Variants in ACSL6 observed in about 807,000 individuals in gnomAD.
ACSL6 encodes the protein acyl-CoA synthetase long chain family member 6.
Under a neutral mutation model 98.2 loss-of-function variants are expected in ACSL6, and 47 were observed. The ratio of observed to expected loss-of-function variants is 0.48; its 90% CI spans 0.38 to 0.61. The LOEUF is 0.61. Ranked by LOEUF, ACSL6 falls within the 20% of genes least tolerant of loss-of-function variation. The pLI is 0.00. For synonymous variants in ACSL6, 362 were observed against 336.9 expected (o/e 1.07, Z -0.82); for missense variants, 761 against 913.4 (o/e 0.83, Z 2.15).
chr5:131,968,617 T>A (rs1404604806), intron 15 of ACSL6, among the ~76,000 whole-genome samples: 1 of 152,156 alleles, frequency 6.6e-6, no homozygotes, highest in Non-Finnish European at 1.5e-5. Context: ...AAAGCTGGGA[T>A]GAAGAAACTT....
rs116820278 is a variant in ACSL6 at position 131,954,671 on chromosome 5, G to A, written c.2032-300C>T. Among the ~76,000 whole-genome samples the A allele has an allele frequency of 5.2e-3, 797 of 152,234 alleles. 1 individual carries two copies. The highest frequency in any genetic ancestry group is 8.7e-3 in the Non-Finnish European group (591 of 68,018). ...CTGCCCTTAGGGAGCGCACATTCAC[G>A]TCCAGTAGTGGAGACAGAGAAACAC... On this transcript the variant is annotated intron_variant, in intron 20 of 20. Coordinates refer to ENST00000651883, the MANE Select transcript of ACSL6 (RefSeq NM_001009185.3).
At chr5:131,987,248 C>G (rs1437096951) in intron 7 of ACSL6, among the ~76,000 whole-genome samples, 1 of 152,202 alleles carries the variant, frequency 6.6e-6, no homozygotes, top group African/African-American at 2.4e-5. Context: ...CACATGCCAC[C>G]TGTATGATGG....
chr5:131,980,334 A>G (rs1753824537), intron 9 of ACSL6, among the ~76,000 whole-genome samples: 1 of 152,206 alleles, frequency 6.6e-6, no homozygotes, highest in African/African-American at 2.4e-5. Flanking sequence ...GAGGGCTAGT[A>G]AGAATAGAAA....
Position 131,953,594 on chromosome 5 carries a change from A to T in ACSL6, c.*640T>A. 5.3e-6 allele frequency: 1 copy of T among 187,506 alleles called. No homozygotes were observed. The highest frequency in any genetic ancestry group is 8.5e-5 in the East Asian group (1 of 11,774). 11.6% of individuals were successfully genotyped at this position (187,506 alleles called of 1,614,324 possible). On this transcript the variant is annotated 3_prime_UTR_variant, in exon 21 of 21. Coordinates refer to ENST00000651883, the MANE Select transcript of ACSL6 (RefSeq NM_001009185.3). ...CACTCCAGCCTAGGTGACAGAGCAG[A>T]CCCTGTCTCAAAACAAAAAGGAAAA...
At position 131,962,634 on chromosome 5, in the gene ACSL6, T is replaced by C. The variant is rs763597231; in HGVS notation, c.1758A>G (p.Lys586=). Residue 586 remains lysine, a synonymous_variant, in exon 18 of 21, where the codon AAA becomes AAG. Coordinates refer to ENST00000651883, the MANE Select transcript of ACSL6 (RefSeq NM_001009185.3). The part of the protein sequence containing the change: ...KIIDRKKHIF[K]LAQGEYVAPE... ...GTGCAACATATTCTCCCTGAGCAAGTTTAAATATATGCTTTTTCCGATCAA... is the reference window on the plus strand; with the variant it reads ...GTGCAACATATTCTCCCTGAGCAAGCTTAAATATATGCTTTTTCCGATCAA... 1.2e-6 allele frequency: 2 copies of C among 1,614,108 alleles called. No individual in the cohort carries two copies. The highest frequency in any genetic ancestry group is 1.7e-6 in the Non-Finnish European group (2 of 1,179,998).
Position 132,011,567 on chromosome 5 carries a change from G to C in ACSL6, c.-14C>G. Reference sequence around the variant, plus strand: ...GAAGGTCAGCATGGCGGTCAGCGGGGCCCGGCCCGGCCCGGCCCGGCCTCC... The same window carrying C: ...GAAGGTCAGCATGGCGGTCAGCGGGCCCCGGCCCGGCCCGGCCCGGCCTCC... On this transcript the variant is annotated 5_prime_UTR_variant, in exon 1 of 21. Coordinates refer to ENST00000651883, the MANE Select transcript of ACSL6 (RefSeq NM_001009185.3). This position sits in a 1 kb window ranked among gnomAD's most constrained non-coding sequence, Gnocchi z 5.4. The C allele has an allele frequency of 6.6e-7, 1 of 1,510,340 alleles. No individual in the cohort carries two copies. Among genetic ancestry groups the C allele is most frequent in the Non-Finnish European group, 8.8e-7 (1 of 1,131,242 alleles). The allele number at this position is 1,510,340 out of a possible 1,614,324, so 93.6% of individuals were successfully genotyped here.
At position 132,011,571 on chromosome 5, in the gene ACSL6, G is replaced by C; in HGVS notation, c.-18C>G. ...GTCAGCATGGCGGTCAGCGGGGCCCGGCCCGGCCCGGCCCGGCCTCCCCGA... is the reference window on the plus strand; with the variant it reads ...GTCAGCATGGCGGTCAGCGGGGCCCCGCCCGGCCCGGCCCGGCCTCCCCGA... On this transcript the variant is annotated 5_prime_UTR_variant, in exon 1 of 21. Coordinates refer to ENST00000651883, the MANE Select transcript of ACSL6 (RefSeq NM_001009185.3). This position sits in a 1 kb window ranked among gnomAD's most constrained non-coding sequence, Gnocchi z 5.4. The C allele has an allele frequency of 6.6e-7, 1 of 1,515,014 alleles. No individual in the cohort carries two copies. Among genetic ancestry groups the C allele is most frequent in the Non-Finnish European group, 8.8e-7 (1 of 1,133,994 alleles). 93.8% of individuals were successfully genotyped at this position (1,515,014 alleles called of 1,614,324 possible).
intron 1 of ACSL6, among the ~76,000 whole-genome samples, chr5:132,003,186 C>T (rs1329762590): frequency 2.0e-5 from 3 of 152,246 alleles, no homozygotes; most frequent in Non-Finnish European, 4.4e-5. Context: ...CAAAATTCCT[C>T]TTCTGAATGC....
chr5:131,983,238 A>G (rs1753996557), intron 9 of ACSL6: 1 of 152,164 alleles, frequency 6.6e-6, no homozygotes, highest in South Asian at 2.1e-4. Flanking sequence ...TGTTATTTTG[A>G]AATGAACAGC....
Position 131,976,689 on chromosome 5 carries a change from T to G in ACSL6, c.949A>C (p.Asn317His). 4 of 1,614,196 alleles carry G rather than the reference T, an allele frequency of 2.5e-6. No homozygotes were observed. Among genetic ancestry groups the G allele is most frequent in the Non-Finnish European group, 3.4e-6 (4 of 1,180,022 alleles). ...NPKGAMLTHG[N>H]VVADFSGFLK... Reference sequence around the variant, plus strand: ...AAGCCTGAGAAATCAGCCACCACGTTCCCATGGGTGAGCATCGCACCTTTT... The same window carrying G: ...AAGCCTGAGAAATCAGCCACCACGTGCCCATGGGTGAGCATCGCACCTTTT... The change falls in exon 10 of 21, where the codon AAC becomes CAC. Residue 317 changes from asparagine to histidine, a missense_variant. By Grantham distance (68) the Asn-to-His change is moderately conservative. Transcript: ENST00000651883.
In ACSL6 at chr5:131,952,381, G is replaced by T; in HGVS notation, c.*1853C>A. ...TGAAACAGTGATTCACTTTTGACAA[G>T]ACTGAAATATAAGTATATAATCACT... On this transcript the variant is annotated 3_prime_UTR_variant, in exon 21 of 21. Transcript: ENST00000651883. The T allele has an allele frequency of 4.9e-6, 1 of 205,700 alleles. No individual in the cohort carries two copies. Among genetic ancestry groups the T allele is most frequent in the African/African-American group, 2.3e-5 (1 of 43,918 alleles). The allele number at this position is 205,700 out of a possible 1,614,324, so 12.7% of individuals were successfully genotyped here.
chr5:131,962,725 C>G, intron 17 of ACSL6, 47 bp from the exon 18 acceptor site: 1 of 1,604,598 alleles, frequency 6.2e-7, no homozygotes, highest in South Asian at 1.1e-5. Context: ...CACTCTCAAG[C>G]CTGAACCTTT....
chr5:131,985,752 C>T (rs1283594293), intron 8 of ACSL6, among the ~76,000 whole-genome samples: 2 of 152,220 alleles, frequency 1.3e-5, no homozygotes, highest in African/African-American at 4.8e-5. Context: ...GCTGAATTAT[C>T]CTAGGTGGGA....
chr5:131,988,726 A>C (rs1049177594), intron 6 of ACSL6, 79 bp downstream of exon 6: 2 of 1,567,848 alleles, frequency 1.3e-6, no homozygotes, highest in African/African-American at 2.7e-5. Context: ...GTGTCAGACA[A>C]TCAGCATAAC....
rs755156382 is a variant in ACSL6 at position 131,994,445 on chromosome 5, G to A, written c.50-194C>T. 9.2e-5 allele frequency: 54 copies of A among 585,698 alleles called. 1 individual carries two copies. The highest frequency in any genetic ancestry group is 2.6e-4 in the East Asian group (9 of 35,050). The allele number at this position is 585,698 out of a possible 1,614,324, so 36.3% of individuals were successfully genotyped here. A position where few individuals can be genotyped will look rare whatever the true frequency, so the allele number is the denominator to read the frequency against. ...CAGGAAGAGGCCAGAACCTTCTGCC[G>A]TCACACCTGACAGTCAGATGTCCTG... On this transcript the variant is annotated intron_variant, in intron 1 of 20. Coordinates refer to ENST00000651883, the MANE Select transcript of ACSL6 (RefSeq NM_001009185.3).
Position 131,971,638 on chromosome 5 carries a change from A to G in ACSL6, c.1346T>C (p.Leu449Pro). 6.2e-7 allele frequency: 1 copy of G among 1,604,828 alleles called. No individual in the cohort carries two copies. Among genetic ancestry groups the G allele is most frequent in the South Asian group, 1.1e-5 (1 of 89,170 alleles). The change falls in exon 14 of 21, where the codon CTT (leucine) becomes CCT (proline). Residue 449 changes from leucine (L) to proline (P), a missense_variant. Transcript: ENST00000651883. ...ELFFNKIQAS[L>P]GGCVRMIVTG... ...AACAATCATCCGCACACACCCACCA[A>G]GACTGGCCTGTGGGAAGAAAGAAGA... is the stretch of plus-strand genomic sequence containing the variant.
chr5:131,978,394 T>C (rs1753729632), intron 9 of ACSL6, among the ~76,000 whole-genome samples: 1 of 152,178 alleles, frequency 6.6e-6, no homozygotes, highest in Non-Finnish European at 1.5e-5. Flanking sequence ...CTTTCAACTT[T>C]CATAGTCTAC....
Position 131,962,553 on chromosome 5 carries a change from G to A in ACSL6, c.1839C>T (p.Val613=), listed in dbSNP as rs1250356743. 1.2e-6 allele frequency: 2 copies of A among 1,614,080 alleles called. No homozygotes were observed. Among genetic ancestry groups the A allele is most frequent in the Non-Finnish European group, 1.7e-6 (2 of 1,179,956 alleles). The change falls in exon 18 of 21, where the codon GTC becomes GTT. Residue 613 remains valine, a synonymous_variant. Transcript: ENST00000651883. ...GCCTCACCTTTAAGCTGTCCCCATG[G>A]ACATAGATTTGCGCCACAGGTTGGC... ...IRSQPVAQIY[V]HGDSLKAFLV...
chr5:132,011,343 G>C lies in ACSL6; in HGVS notation c.49+162C>G. 2 of 710,764 alleles carry C rather than the reference G, an allele frequency of 2.8e-6. No homozygotes were observed. The highest frequency in any genetic ancestry group is 4.8e-6 in the Non-Finnish European group (2 of 418,200). 44.0% of individuals were successfully genotyped at this position (710,764 alleles called of 1,614,324 possible). A position where few individuals can be genotyped will look rare whatever the true frequency, so the allele number is the denominator to read the frequency against. ...GGCCCGGAGCCCGCGAGAACTGGGG[G>C]CGGAGGGTGTACTTAGGCGGCCCTG... On this transcript the variant is annotated intron_variant, in intron 1 of 20. Coordinates refer to ENST00000651883, the MANE Select transcript of ACSL6 (RefSeq NM_001009185.3). This position sits in a 1 kb window ranked among gnomAD's most constrained non-coding sequence, Gnocchi z 5.4.
Sources: gnomAD v4.1 joint callset for allele counts (sites outside exome capture counted in the v4.1 genomes callset) on GRCh38, gnomAD v4.1.1 for gene constraint, Gnocchi (gnomAD v3.1) non-coding constraint, MANE v1.5 for transcripts, NCBI Gene and HGNC (gene_info 2026-07-23, HGNC 2026-07-21) for gene names.